MAPRE2: variants seen among roughly 807,000 people sequenced by gnomAD.
MAPRE2 encodes the protein microtubule associated protein RP/EB family member 2.
A neutral mutation model predicts 43.2 loss-of-function variants in MAPRE2; 13 were observed. The ratio of observed to expected loss-of-function variants is 0.30; its 90% CI spans 0.20 to 0.48. The LOEUF is 0.48. Among genes scored for constraint, MAPRE2 ranks in the 20% least tolerant of loss-of-function variants. MAPRE2 has a pLI of 0.99. For missense variants in MAPRE2, 161 were observed against 400.2 expected, an observed-to-expected ratio of 0.40 and a Z score of 5.10; for synonymous variants, 135 against 148.8, an observed-to-expected ratio of 0.91 and a Z score of 0.68.
intron 1 of MAPRE2, among the ~76,000 whole-genome samples, chr18:34,977,456 G>C (rs1000665105): frequency 6.6e-6 from 1 of 152,230 alleles, no homozygotes; most frequent in East Asian, 1.9e-4. Context: ...TGGTGAAGGA[G>C]GGGGGCTCGC....
intron 1 of MAPRE2, among the ~76,000 whole-genome samples, chr18:34,997,212 C>T (rs1382956860): frequency 6.6e-6 from 1 of 152,138 alleles, no homozygotes; most frequent in Non-Finnish European, 1.5e-5. Context: ...CATAAACTCT[C>T]AAGGGGAATG....
intron 2 of MAPRE2, among the ~76,000 whole-genome samples, chr18:35,082,402 GTT>G (rs1907685637): frequency 6.6e-6 from 1 of 151,966 alleles, no homozygotes; most frequent in African/African-American, 2.4e-5. Flanking sequence ...TACCAAATTA[GTT>G]AAGCTTCTTC....
rs1910647985 is a variant in MAPRE2 at position 35,141,665 on chromosome 18, C to CTT, written c.*1298_*1299dup. 7.5e-6 allele frequency: 1 copy of CTT among 133,292 alleles called. No homozygotes were observed. Among genetic ancestry groups the CTT allele is most frequent in the Non-Finnish European group, 1.6e-5 (1 of 61,432 alleles). The allele number at this position is 133,292 out of a possible 1,614,324, so 8.3% of individuals were successfully genotyped here. Reference sequence around the variant, plus strand: ...TTCCAAGTCTTTGCCTCTTTTTTTTCTTTATTTTTATTTTTTCCTTTGACA... The same window carrying CTT: ...TTCCAAGTCTTTGCCTCTTTTTTTTCTTTTTATTTTTATTTTTTCCTTTGACA... On this transcript the variant is annotated 3_prime_UTR_variant, in exon 7 of 7. Transcript: ENST00000300249.
At chr18:35,112,034 C>T (rs1909198024) in intron 4 of MAPRE2, among the ~76,000 whole-genome samples, 1 of 152,166 alleles carries the variant, frequency 6.6e-6, no homozygotes, top group Non-Finnish European at 1.5e-5. Flanking sequence ...CTTTAAGGAT[C>T]AAATATTAAT....
chr18:34,977,751 A>G (rs2097014021), intron 1 of MAPRE2, among the ~76,000 whole-genome samples: 2 of 152,176 alleles, frequency 1.3e-5, no homozygotes, highest in Admixed American at 1.3e-4. Flanking sequence ...TCTCTTCTGC[A>G]GGGAGCCCCG....
At chr18:34,979,773 G>T (rs1048861653) in intron 1 of MAPRE2, among the ~76,000 whole-genome samples, 7 of 152,060 alleles carry the variant, frequency 4.6e-5, no homozygotes, top group African/African-American at 1.7e-4. Context: ...AAAACCTCAT[G>T]TTGGCTATTA....
intron 2 of MAPRE2, among the ~76,000 whole-genome samples, chr18:35,033,093 C>A (rs1217016388): frequency 6.6e-6 from 1 of 152,042 alleles, no homozygotes; most frequent in Non-Finnish European, 1.5e-5. Context: ...CCTTGATGAA[C>A]ATTGATGCAA....
intron 4 of MAPRE2, among the ~76,000 whole-genome samples, chr18:35,104,044 A>G (rs1156588298): frequency 6.6e-6 from 1 of 152,178 alleles, no homozygotes; most frequent in Non-Finnish European, 1.5e-5. Context: ...AAGAAGAGGA[A>G]GCTGCAAAAA....
chr18:35,053,828 T>C (rs1414881753), intron 1 of MAPRE2, among the ~76,000 whole-genome samples: 1 of 152,178 alleles, frequency 6.6e-6, no homozygotes, highest in Non-Finnish European at 1.5e-5. Context: ...AAAAAATAAC[T>C]AATGGTTACT....
chr18:35,137,532 C>G (rs1015363021), intron 6 of MAPRE2, among the ~76,000 whole-genome samples: 1 of 152,316 alleles, frequency 6.6e-6, no homozygotes, highest in East Asian at 1.9e-4. Flanking sequence ...TAAAACAGTT[C>G]CTCATTTCTG....
intron 2 of MAPRE2, among the ~76,000 whole-genome samples, chr18:35,014,386 ATTT>A (rs368732245): frequency 5.0e-5 from 7 of 139,676 alleles, no homozygotes; most frequent in Admixed American, 7.1e-5. Context: ...GGGCAGGGTG[ATTT>A]TTTTTTTTTT....
intron 4 of MAPRE2, among the ~76,000 whole-genome samples, chr18:35,106,950 A>G (rs1908937490): frequency 6.6e-6 from 1 of 152,220 alleles, no homozygotes; most frequent in Non-Finnish European, 1.5e-5. Flanking sequence ...CTGCAACTCA[A>G]GATAGCTGTT....
chr18:35,027,667 T>C lies in MAPRE2; in HGVS notation c.-8+22114T>C, dbSNP rs556801840. Among the ~76,000 whole-genome samples, 5 of 152,288 alleles carry C rather than the reference T, an allele frequency of 3.3e-5. No homozygotes were observed. The East Asian group carries it at 9.6e-4, about 29-fold the overall frequency. The stretch of plus-strand genomic sequence containing the variant: ...TAATCCACCAAGTTTAGAGTCACAA[T>C]AGAGAACCAACAGGGTTTTTCTGTT... On this transcript the variant is annotated intron_variant, in intron 2 of 7. Transcript: ENST00000413393.
At chr18:35,098,166 G>A (rs192667693) in intron 3 of MAPRE2, among the ~76,000 whole-genome samples, 37 of 152,214 alleles carry the variant, frequency 2.4e-4, no homozygotes, top group East Asian at 1.9e-3. Flanking sequence ...TGGTGCAAAT[G>A]GCCTGGAGTA....
intron 1 of MAPRE2, among the ~76,000 whole-genome samples, chr18:35,057,471 A>G (rs1906292016): frequency 6.7e-6 from 1 of 149,860 alleles, no homozygotes; most frequent in Admixed American, 6.7e-5. Flanking sequence ...AAGGTAGTAG[A>G]GAAGGAGAGC....
intron 1 of MAPRE2, among the ~76,000 whole-genome samples, chr18:35,049,809 G>T (rs142961544): frequency 2.6e-4 from 39 of 152,310 alleles, no homozygotes; most frequent in African/African-American, 9.4e-4. Flanking sequence ...AATGTAGCGT[G>T]TAAGTAAAAA....
At chr18:35,119,884 G>A (rs1355916057) in intron 4 of MAPRE2, among the ~76,000 whole-genome samples, 1 of 152,188 alleles carries the variant, frequency 6.6e-6, no homozygotes, top group African/African-American at 2.4e-5. Flanking sequence ...TGGGAAACAA[G>A]TGCACTTTTG....
chr18:35,125,019 G>C (rs1439090513), intron 4 of MAPRE2, among the ~76,000 whole-genome samples: 1 of 152,164 alleles, frequency 6.6e-6, no homozygotes, highest in African/African-American at 2.4e-5. Context: ...GATTTACCCT[G>C]AGAATATTCA....
chr18:35,130,327 T>G (rs970333366), intron 5 of MAPRE2, among the ~76,000 whole-genome samples: 2 of 152,208 alleles, frequency 1.3e-5, no homozygotes, highest in African/African-American at 4.8e-5. Context: ...TCAGTTTTTT[T>G]GTACATCTTA....
Sources: allele counts gnomAD v4.1 joint callset (sites outside exome capture counted in the v4.1 genomes callset), GRCh38; gene constraint gnomAD v4.1.1; transcripts MANE v1.5; gene names NCBI Gene and HGNC (gene_info 2026-07-23, HGNC 2026-07-21).